Variants in CNTNAP2 observed in about 807,000 individuals in gnomAD.
The protein encoded by CNTNAP2 is contactin associated protein 2, also known as contactin-associated protein-like 2.
Under a neutral mutation model 155.2 loss-of-function variants are expected in CNTNAP2, and 98 were observed. That is an observed-to-expected ratio of 0.63 (90% CI 0.54 to 0.75). The LOEUF (loss-of-function observed/expected upper bound fraction) is 0.75. Ranked by LOEUF, CNTNAP2 falls within the 30% of genes least tolerant of loss-of-function variation. The pLI is 0.00. For missense variants in CNTNAP2, 1,727 were observed against 1,688.1 expected (o/e 1.02, Z -0.40); for synonymous variants, 651 against 631.2 (o/e 1.03, Z -0.47).
At chr7:147,165,972 G>A (rs1802105813) in intron 8 of CNTNAP2, among the ~76,000 whole-genome samples, 1 of 152,188 alleles carries the variant, frequency 6.6e-6, no homozygotes, top group South Asian at 2.1e-4. Context: ...ACAGTGTGGA[G>A]ATTCTTTAAA....
intron 6 of CNTNAP2, among the ~76,000 whole-genome samples, chr7:147,124,048 C>CAAAACAA (rs1801175227): frequency 6.6e-6 from 1 of 151,950 alleles, no homozygotes; most frequent in Non-Finnish European, 1.5e-5. Context: ...ATCTCAAAAA[C>CAAAACAA]AAAACAAAAA....
At chr7:148,137,980 T>C (rs1215880155) in intron 16 of CNTNAP2, among the ~76,000 whole-genome samples, 1 of 152,232 alleles carries the variant, frequency 6.6e-6, no homozygotes, top group Admixed American at 6.5e-5. Flanking sequence ...TCTGAAGTCA[T>C]ATCAAGGTGA....
chr7:148,024,457 G>C (rs748980120), intron 15 of CNTNAP2, among the ~76,000 whole-genome samples: 2 of 152,116 alleles, frequency 1.3e-5, no homozygotes, highest in Non-Finnish European at 2.9e-5. Context: ...TTTCAGCCTT[G>C]GGGGCTTCCC....
chr7:146,555,797 G>A (rs1798190156), intron 1 of CNTNAP2, among the ~76,000 whole-genome samples: 1 of 152,136 alleles, frequency 6.6e-6, no homozygotes, highest in Non-Finnish European at 1.5e-5. Flanking sequence ...ACAAACCTTG[G>A]CTCTGCCAAT....
chr7:148,277,824 T>C, intron 21 of CNTNAP2, among the ~76,000 whole-genome samples: 1 of 96,362 alleles, frequency 1.0e-5, no homozygotes. Context: ...TGCTTTTACT[T>C]CCTACAAAAA....
chr7:146,153,020 A>T (rs1027558146), intron 1 of CNTNAP2, among the ~76,000 whole-genome samples: 1 of 152,178 alleles, frequency 6.6e-6, no homozygotes, highest in African/African-American at 2.4e-5. Context: ...TCACCTTGGT[A>T]CTTGTCCTCA....
intron 1 of CNTNAP2, among the ~76,000 whole-genome samples, chr7:146,589,696 A>G (rs1019556439): frequency 6.6e-6 from 1 of 151,928 alleles, no homozygotes; most frequent in East Asian, 1.9e-4. Context: ...GTGTATACTT[A>G]TGTAACAAAC....
chr7:146,550,908 T>C (rs181939246), intron 1 of CNTNAP2, among the ~76,000 whole-genome samples: 39 of 152,158 alleles, frequency 2.6e-4, no homozygotes, highest in African/African-American at 9.4e-4. Flanking sequence ...GAATCTGGAA[T>C]ACACTAAGGC....
intron 8 of CNTNAP2, among the ~76,000 whole-genome samples, chr7:147,152,942 A>G (rs1050533173): frequency 6.6e-6 from 1 of 152,104 alleles, no homozygotes; most frequent in South Asian, 2.1e-4. Flanking sequence ...AGCTTTTTCC[A>G]TTGGTTCATG....
chr7:146,439,563 A>C (rs1796291079), intron 1 of CNTNAP2, among the ~76,000 whole-genome samples: 3 of 151,262 alleles, frequency 2.0e-5, no homozygotes, highest in African/African-American at 4.9e-5. Context: ...TCATCTAAAA[A>C]CTCACCCCAT....
intron 18 of CNTNAP2, among the ~76,000 whole-genome samples, chr7:148,213,481 T>A (rs932359782): frequency 1.3e-5 from 2 of 152,164 alleles, no homozygotes; most frequent in East Asian, 3.9e-4. Flanking sequence ...TCCTCAGTCT[T>A]GAATTTCAAG....
chr7:147,216,135 T>G (rs540301000), intron 8 of CNTNAP2, among the ~76,000 whole-genome samples: 1 of 152,102 alleles, frequency 6.6e-6, no homozygotes, highest in East Asian at 1.9e-4. Flanking sequence ...TCTGTGTTTT[T>G]TTTTTCATCT....
chr7:147,801,395 A>C (rs1253440642), intron 13 of CNTNAP2, among the ~76,000 whole-genome samples: 1 of 147,100 alleles, frequency 6.8e-6, no homozygotes, highest in Non-Finnish European at 1.5e-5. Flanking sequence ...GGGTCATAGG[A>C]CAATAGTGGA....
At chr7:146,929,602 G>A (rs1053787305) in intron 3 of CNTNAP2, among the ~76,000 whole-genome samples, 21 of 152,308 alleles carry the variant, frequency 1.4e-4, no homozygotes, top group South Asian at 2.1e-4. Context: ...TGACTTTGAC[G>A]AGTTGAGAGA....
chr7:147,051,722 A>G (rs1799477672), intron 4 of CNTNAP2, among the ~76,000 whole-genome samples: 1 of 152,050 alleles, frequency 6.6e-6, no homozygotes, highest in South Asian at 2.1e-4. Context: ...TGCTTAGAGG[A>G]TCAATATATT....
chr7:147,324,513 G>A (rs1256579052), intron 9 of CNTNAP2, among the ~76,000 whole-genome samples: 4 of 151,290 alleles, frequency 2.6e-5, no homozygotes, highest in Non-Finnish European at 4.4e-5. Flanking sequence ...ATAGAAAGGT[G>A]TGTTCTTTCC....
chr7:148,236,781 T>C (rs1211180448), intron 20 of CNTNAP2, among the ~76,000 whole-genome samples: 1 of 152,198 alleles, frequency 6.6e-6, no homozygotes, highest in Non-Finnish European at 1.5e-5. Flanking sequence ...GAAGCTTAGA[T>C]GGCAGACAGC....
At chr7:146,535,161 T>TATATTATATCATATATCATATATATG (rs1409927364) in intron 1 of CNTNAP2, among the ~76,000 whole-genome samples, 607 of 3,764 alleles carry the variant, frequency 0.16, 153 homozygotes, top group Non-Finnish European at 0.21. Flanking sequence ...TATAATATAT[T>TATATTATATCATATATCATATATATG]ATATTATATC....
chr7:147,668,958 CT>C (rs367897163), intron 13 of CNTNAP2, among the ~76,000 whole-genome samples: 1,725 of 150,794 alleles, frequency 0.011, 36 homozygotes, highest in African/African-American at 0.04. Flanking sequence ...TATAGGTGTG[CT>C]TTTTTTTTAT....
Sources: gnomAD v4.1 joint callset for allele counts (sites outside exome capture counted in the v4.1 genomes callset) on GRCh38, gnomAD v4.1.1 for gene constraint, MANE v1.5 for transcripts, NCBI Gene and HGNC (gene_info 2026-07-23, HGNC 2026-07-21) for gene names.